The following LONP1 variants were observed in gnomAD, a reference collection of about 807,000 sequenced individuals.
The protein encoded by LONP1 is lon peptidase 1, mitochondrial.
LONP1 carries 31 observed loss-of-function variants against 98.5 expected under a neutral mutation model. The ratio of observed to expected loss-of-function variants is 0.31; its 90% CI spans 0.24 to 0.42. LONP1 has a LOEUF of 0.42. Ranked by LOEUF, LONP1 falls within the 20% of genes least tolerant of loss-of-function variation. The pLI is 1.00. For missense variants in LONP1, 1,336 were observed against 1,350.6 expected (o/e 0.99, Z 0.17); for synonymous variants, 781 against 594.7 (o/e 1.31, Z -4.56).
chr19:5,699,724 C>CT (rs891148492), intron 9 of LONP1, among the ~76,000 whole-genome samples: 6 of 151,178 alleles, frequency 4.0e-5, no homozygotes, highest in Non-Finnish European at 8.8e-5. Context: ...TGCCTGGCTA[C>CT]TTTTTTTGTA....
chr19:5,707,383 A>G (rs964612983), intron 6 of LONP1, among the ~76,000 whole-genome samples: 2 of 152,196 alleles, frequency 1.3e-5, no homozygotes, highest in Non-Finnish European at 2.9e-5. Flanking sequence ...AGTGCTGCTC[A>G]CAACAGCAAA....
rs1348844959 is a variant in LONP1 at position 5,719,811 on chromosome 19, C to G, written c.322G>C (p.Val108Leu). Residue 108 changes from valine (V) to leucine (L), a missense_variant, in exon 1 of 18, where the codon GTC becomes CTC. By Grantham distance (32) the Val-to-Leu change is conservative. Transcript: ENST00000360614. ...GGSAGAGEGP[V>L]ITALTPMTIP... ...GTCATGGGCGTGAGCGCCGTTATGA[C>G]CGGGCCTTCCCCGGCGCCCGCGCTG... The G allele has an allele frequency of 6.2e-7, 1 of 1,611,758 alleles. No individual in the cohort carries two copies.
chr19:5,706,078 T>TC, intron 7 of LONP1, 86 bp from the exon 8 acceptor site: 2 of 844,596 alleles, frequency 2.4e-6, no homozygotes, highest in Non-Finnish European at 3.9e-6. Flanking sequence ...GACCCTCTGC[T>TC]CCCCCAGGAC....
chr19:5,696,881 G>T, intron 10 of LONP1, 124 bp from the exon 11 acceptor site: 1 of 651,170 alleles, frequency 1.5e-6, no homozygotes, highest in Non-Finnish European at 2.6e-6. Context: ...GCCATGATGT[G>T]GGAGGCGGAA....
intron 14 of LONP1, 31 bp from the exon 15 acceptor site, chr19:5,694,583 G>A: frequency 6.2e-7 from 1 of 1,607,240 alleles, no homozygotes. Context: ...AATGGGCACG[G>A]GAAGGTGGGG....
In LONP1 at chr19:5,691,956, G is replaced by C. The variant is rs542644235; in HGVS notation, c.*76C>G. On this transcript the variant is annotated 3_prime_UTR_variant, in exon 18 of 18. Coordinates refer to ENST00000360614, the MANE Select transcript of LONP1 (RefSeq NM_004793.4). ...GCTCGGTGGCTCCACTGCCAGGTCC[G>C]GGCGCGCTCCCCACAGCGCTCAGTT... The C allele has an allele frequency of 6.5e-7, 1 of 1,527,414 alleles. No homozygotes were observed. Among genetic ancestry groups the C allele is most frequent in the East Asian group, 2.3e-5 (1 of 44,086 alleles). The allele number at this position is 1,527,414 out of a possible 1,614,324, so 94.6% of individuals were successfully genotyped here.
rs201442569 is a variant in LONP1, at chr19:5,719,786, G to C, written c.347C>G (p.Thr116Arg). 3.7e-6 allele frequency: 6 copies of C among 1,613,186 alleles called. No homozygotes were observed. The Admixed American group carries it at 6.7e-5, about 18-fold the overall frequency. Residue 116 changes from threonine to arginine, a missense_variant, in exon 1 of 18, where the codon ACG (threonine) becomes AGG (arginine). By Grantham distance (71) the Thr-to-Arg change is moderately conservative. Coordinates refer to ENST00000360614, the MANE Select transcript of LONP1 (RefSeq NM_004793.4). ...CAGGTGCGGAAACACATCGGGGATC[G>C]TCATGGGCGTGAGCGCCGTTATGAC... The part of the protein sequence containing the change: ...GPVITALTPM[T>R]IPDVFPHLPL...
chr19:5,716,767 G>A lies in LONP1; in HGVS notation c.430-2496C>T, dbSNP rs150226352. Among the ~76,000 whole-genome samples, 456 of 152,252 alleles carry A rather than the reference G, an allele frequency of 3.0e-3. 1 individual carries two copies. The highest frequency in any genetic ancestry group is 0.01 in the African/African-American group (432 of 41,556). Reference sequence around the variant, plus strand: ...TGCTCCTCGCAGATGGAACAATGGCGAGAGCAGAGCACACCTGAACAAAGG... The same window carrying A: ...TGCTCCTCGCAGATGGAACAATGGCAAGAGCAGAGCACACCTGAACAAAGG... On this transcript the variant is annotated intron_variant, in intron 1 of 17. Transcript: ENST00000360614.
intron 4 of LONP1, among the ~76,000 whole-genome samples, chr19:5,711,116 G>T (rs906605976): frequency 1.2e-4 from 19 of 152,156 alleles, no homozygotes; most frequent in African/African-American, 4.1e-4. Flanking sequence ...CTGTGGACAG[G>T]ACTTTCCACC....
Position 5,693,412 on chromosome 19 carries a change from G to A in LONP1, c.2589C>T (p.Ala863=), listed in dbSNP as rs1479069250. 1.9e-6 allele frequency: 3 copies of A among 1,612,782 alleles called. No individual in the cohort carries two copies. The highest frequency in any genetic ancestry group is 1.7e-6 in the Non-Finnish European group (2 of 1,179,478). ...GCCTGCCCATGGCCAGGGACAGCAG[G>A]GCCGTGACGATGGTGCAGCCTGCGC... is the stretch of plus-strand genomic sequence containing the variant. ...GPSAGCTIVT[A]LLSLAMGRPV... Residue 863 remains alanine (A), a synonymous_variant, in exon 17 of 18, where the codon GCC becomes GCT. Transcript: ENST00000360614.
Position 5,713,246 on chromosome 19 carries a change from A to G in LONP1, c.526T>C (p.Ser176Pro). The G allele has an allele frequency of 6.2e-7, 1 of 1,614,084 alleles. No individual in the cohort carries two copies. The highest frequency in any genetic ancestry group is 8.5e-7 in the Non-Finnish European group (1 of 1,179,996). Residue 176 changes from serine to proline, a missense_variant, in exon 3 of 18, where the codon TCG becomes CCG. Ser to Pro is a moderately conservative substitution (Grantham distance 74). Coordinates refer to ENST00000360614, the MANE Select transcript of LONP1 (RefSeq NM_004793.4). ...TCATCCAGGCTCTCGACCACATCCG[A>G]CTCATTGCTGTGGGAGAAGAGCACA... ...VFLKRDDSNE[S>P]DVVESLDEIY...
Position 5,691,968 on chromosome 19 carries a change from C to A in LONP1, c.*64G>T. 1.3e-6 allele frequency: 2 copies of A among 1,555,424 alleles called. No individual in the cohort carries two copies. The highest frequency in any genetic ancestry group is 8.7e-7 in the Non-Finnish European group (1 of 1,149,852). On this transcript the variant is annotated 3_prime_UTR_variant, in exon 18 of 18. Transcript: ENST00000360614. ...CACTGCCAGGTCCGGGCGCGCTCCCCACAGCGCTCAGTTCTGGCCCAGACA... is the reference window on the plus strand; with the variant it reads ...CACTGCCAGGTCCGGGCGCGCTCCCAACAGCGCTCAGTTCTGGCCCAGACA...
chr19:5,702,461 G>A (rs1231793475), intron 8 of LONP1, among the ~76,000 whole-genome samples: 5 of 151,712 alleles, frequency 3.3e-5, no homozygotes, highest in Admixed American at 6.6e-5. Context: ...CTGGCCAGCC[G>A]CCCCCTCTGG....
At chr19:5,710,668 G>C (rs2055222703) in intron 4 of LONP1, among the ~76,000 whole-genome samples, 1 of 152,098 alleles carries the variant, frequency 6.6e-6, no homozygotes, top group Non-Finnish European at 1.5e-5. Flanking sequence ...ATGAGACACT[G>C]TACCCAGCCA....
chr19:5,709,672 T>C (rs569609467), intron 4 of LONP1, among the ~76,000 whole-genome samples: 4 of 151,842 alleles, frequency 2.6e-5, no homozygotes, highest in Admixed American at 1.3e-4. Flanking sequence ...CACTTTGGGA[T>C]GCTAAGGCGG....
chr19:5,695,011 C>T (rs992447230), intron 13 of LONP1, 110 bp from the exon 14 acceptor site: 19 of 1,305,286 alleles, frequency 1.5e-5, no homozygotes, highest in Middle Eastern at 2.8e-4. Flanking sequence ...GGCCTGGGAA[C>T]GAGGTCCCTG....
At chr19:5,709,551 T>G (rs189571811) in intron 4 of LONP1, among the ~76,000 whole-genome samples, 78 of 152,136 alleles carry the variant, frequency 5.1e-4, no homozygotes, top group African/African-American at 1.8e-3. Context: ...GACGCTGAAC[T>G]GTCTGAGCTG....
chr19:5,720,065 A>G lies in LONP1; in HGVS notation c.68T>C (p.Met23Thr), dbSNP rs760453654. ...AARCWVLRRPMLAAAGGRVPT... is the reference protein window; with the variant it reads ...AARCWVLRRPTLAAAGGRVPT... ...AACCCGCCCCCCGGCGGCGGCCAGC[A>G]TCGGCCGCCGCAGCACCCAGCACCG... The change falls in exon 1 of 18, where the codon ATG becomes ACG. Residue 23 changes from methionine to threonine, a missense_variant. Met to Thr is a moderately conservative substitution (Grantham distance 81). This residue lies in a region of LONP1 where 457 missense variants were observed against 403.1 expected (regional missense o/e 1.13). Transcript: ENST00000360614. 15 of 1,506,868 alleles carry G rather than the reference A, an allele frequency of 1.0e-5. No homozygotes were observed. Among genetic ancestry groups the G allele is most frequent in the Non-Finnish European group, 1.8e-6 (2 of 1,128,718 alleles). The allele number at this position is 1,506,868 out of a possible 1,614,324, so 93.3% of individuals were successfully genotyped here.
chr19:5,696,429 T>G, intron 11 of LONP1, 58 bp from the exon 12 acceptor site: 1 of 1,588,704 alleles, frequency 6.3e-7, no homozygotes, highest in South Asian at 1.1e-5. Flanking sequence ...GCCCGCCCAG[T>G]GGGGAGACCC....
Sources: gnomAD v4.1 joint callset for allele counts (sites outside exome capture counted in the v4.1 genomes callset) on GRCh38, gnomAD v4.1.1 for gene constraint, gnomAD v4.1.1 regional missense constraint, MANE v1.5 for transcripts, NCBI Gene and HGNC (gene_info 2026-07-23, HGNC 2026-07-21) for gene names.